TSHZ2: variants seen among roughly 807,000 people sequenced by gnomAD.
The protein encoded by TSHZ2 is teashirt zinc finger homeobox 2, also known as teashirt homolog 2.
A neutral mutation model predicts 74.4 loss-of-function variants in TSHZ2; 21 were observed. The ratio of observed to expected loss-of-function variants is 0.28; its 90% CI spans 0.20 to 0.41. The LOEUF is 0.41. Among genes scored for constraint, TSHZ2 ranks in the 10% least tolerant of loss-of-function variants. The pLI, the probability that TSHZ2 is intolerant of heterozygous loss-of-function variation, is 1.00. For missense variants in TSHZ2, 1,244 were observed against 1,293.5 expected, an observed-to-expected ratio of 0.96 and a Z score of 0.59; for synonymous variants, 540 against 515.3, an observed-to-expected ratio of 1.05 and a Z score of -0.65.
intron 2 of TSHZ2, among the ~76,000 whole-genome samples, chr20:53,352,142 T>C (rs145874561): frequency 6.6e-6 from 1 of 151,500 alleles, no homozygotes; most frequent in East Asian, 1.9e-4. Flanking sequence ...AAAAGCATAA[T>C]GCAAGTGTGG....
chr20:53,447,385 T>G (rs143613975), intron 2 of TSHZ2, among the ~76,000 whole-genome samples: 25 of 152,354 alleles, frequency 1.6e-4, no homozygotes, highest in African/African-American at 6.0e-4. Flanking sequence ...ACCTTTTATT[T>G]TGAAATACTT....
At chr20:53,329,738 C>G (rs1378154763) in intron 2 of TSHZ2, among the ~76,000 whole-genome samples, 1 of 151,942 alleles carries the variant, frequency 6.6e-6, no homozygotes, top group African/African-American at 2.4e-5. Context: ...TTTCTAAAAA[C>G]AAAGAAATCA....
At chr20:53,323,203 T>C (rs1568867793) in intron 2 of TSHZ2, among the ~76,000 whole-genome samples, 2 of 152,178 alleles carry the variant, frequency 1.3e-5, no homozygotes, top group Non-Finnish European at 2.9e-5. Flanking sequence ...AAGCCACTCC[T>C]TGGGGCTGAG....
chr20:52,980,166 G>A (rs191035080), intron 1 of TSHZ2, among the ~76,000 whole-genome samples: 166 of 152,300 alleles, frequency 1.1e-3, no homozygotes, highest in African/African-American at 3.6e-3. Context: ...AAGGATCTTC[G>A]TAAGATAGCT....
chr20:53,003,613 T>G (rs965233037), intron 1 of TSHZ2, among the ~76,000 whole-genome samples: 1 of 152,188 alleles, frequency 6.6e-6, no homozygotes, highest in South Asian at 2.1e-4. Flanking sequence ...AATCACTAGT[T>G]GGCAGGCAGA....
At chr20:53,351,227 G>A (rs771276787) in intron 2 of TSHZ2, among the ~76,000 whole-genome samples, 1 of 152,136 alleles carries the variant, frequency 6.6e-6, no homozygotes, top group African/African-American at 2.4e-5. Flanking sequence ...CCCTTATTGA[G>A]TGAATAGATT....
At chr20:53,234,784 C>T (rs1421959261) in intron 1 of TSHZ2, among the ~76,000 whole-genome samples, 1 of 152,088 alleles carries the variant, frequency 6.6e-6, no homozygotes, top group Admixed American at 6.5e-5. Flanking sequence ...TAGAAGAAAG[C>T]GTTGGAGACC....
At chr20:53,348,904 C>T (rs901824332) in intron 2 of TSHZ2, among the ~76,000 whole-genome samples, 2 of 152,262 alleles carry the variant, frequency 1.3e-5, no homozygotes, top group African/African-American at 2.4e-5. Flanking sequence ...AGCTGCCTTC[C>T]GAGCCCCGCA....
At chr20:53,397,173 T>G (rs1982481695) in intron 2 of TSHZ2, among the ~76,000 whole-genome samples, 1 of 152,102 alleles carries the variant, frequency 6.6e-6, no homozygotes, top group East Asian at 1.9e-4. Context: ...GAAACTATCA[T>G]CAGAGTGAAC....
intron 2 of TSHZ2, among the ~76,000 whole-genome samples, chr20:53,485,270 A>G (rs1190875198): frequency 1.3e-5 from 2 of 152,232 alleles, no homozygotes; most frequent in Non-Finnish European, 2.9e-5. Context: ...TAAATGTCCA[A>G]TATTACATTA....
intron 2 of TSHZ2, among the ~76,000 whole-genome samples, chr20:53,263,809 C>A (rs987229952): frequency 2.0e-5 from 3 of 152,160 alleles, no homozygotes; most frequent in Non-Finnish European, 4.4e-5. Context: ...TTCCGCATCT[C>A]AGAGGATACT....
intron 2 of TSHZ2, among the ~76,000 whole-genome samples, chr20:53,453,967 A>G (rs545740652): frequency 6.6e-6 from 1 of 152,288 alleles, no homozygotes; most frequent in Admixed American, 6.5e-5. Flanking sequence ...TGAAAATATC[A>G]TGAGAGCTAC....
At chr20:53,041,939 G>A (rs1469195815) in intron 1 of TSHZ2, among the ~76,000 whole-genome samples, 1 of 152,116 alleles carries the variant, frequency 6.6e-6, no homozygotes, top group Non-Finnish European at 1.5e-5. Context: ...TGTTTTCCAG[G>A]AAATCTGATT....
intron 2 of TSHZ2, among the ~76,000 whole-genome samples, chr20:53,437,477 GAAAGA>G (rs113738835): frequency 3.9e-4 from 59 of 151,860 alleles, no homozygotes; most frequent in Non-Finnish European, 5.1e-4. Flanking sequence ...CATCTAAAAG[GAAAGA>G]AAAGAAAAGA....
chr20:53,241,213 A>C (rs1362009334), intron 1 of TSHZ2, among the ~76,000 whole-genome samples: 1 of 152,188 alleles, frequency 6.6e-6, no homozygotes, highest in Non-Finnish European at 1.5e-5. Flanking sequence ...CAAACTGTCC[A>C]TTCAAAAATA....
intron 2 of TSHZ2, among the ~76,000 whole-genome samples, chr20:53,310,422 C>T (rs563456844): frequency 3.3e-5 from 5 of 152,310 alleles, no homozygotes; most frequent in African/African-American, 1.2e-4. Flanking sequence ...CTAATTACCC[C>T]AAACTTAATG....
intron 2 of TSHZ2, among the ~76,000 whole-genome samples, chr20:53,384,990 G>A (rs895153785): frequency 1.6e-4 from 25 of 152,138 alleles, no homozygotes; most frequent in South Asian, 6.2e-4. Flanking sequence ...GCATAGTGGC[G>A]GGTGCCTGTA....
chr20:53,272,004 G>A (rs1363835738), intron 2 of TSHZ2, among the ~76,000 whole-genome samples: 1 of 151,752 alleles, frequency 6.6e-6, no homozygotes, highest in Non-Finnish European at 1.5e-5. Flanking sequence ...GGAAGTGAGT[G>A]GAGAAGTGGA....
intron 2 of TSHZ2, among the ~76,000 whole-genome samples, chr20:53,336,832 G>C (rs1465305180): frequency 6.6e-6 from 1 of 152,048 alleles, no homozygotes; most frequent in African/African-American, 2.4e-5. Flanking sequence ...ATAGATGTGT[G>C]CATATACGTA....
Sources: allele counts gnomAD v4.1 joint callset (sites outside exome capture counted in the v4.1 genomes callset), GRCh38; gene constraint gnomAD v4.1.1; transcripts MANE v1.5; gene names NCBI Gene and HGNC (gene_info 2026-07-23, HGNC 2026-07-21).